The following NRG1 variants were observed in gnomAD, a reference collection of about 807,000 sequenced individuals.
The protein encoded by NRG1 is neuregulin 1, also known as pro-neuregulin-1, membrane-bound isoform.
A neutral mutation model predicts 63.8 loss-of-function variants in NRG1; 18 were observed. That is an observed-to-expected ratio of 0.28 (90% CI 0.19 to 0.42). The LOEUF is 0.42. NRG1 is among the 10% of genes least tolerant of loss of function. The pLI is 1.00. For synonymous variants in NRG1, 302 were observed against 301.3 expected, an observed-to-expected ratio of 1.00 and a Z score of -0.02; for missense variants, 762 against 814.7, an observed-to-expected ratio of 0.94 and a Z score of 0.79.
At chr8:32,215,311 C>G (rs1217152546) in intron 1 of NRG1, among the ~76,000 whole-genome samples, 1 of 152,118 alleles carries the variant, frequency 6.6e-6, no homozygotes, top group Non-Finnish European at 1.5e-5. Context: ...TGCTATAGCT[C>G]CTCTTGCTTA....
chr8:31,954,543 T>G (rs1804047206), intron 1 of NRG1, among the ~76,000 whole-genome samples: 1 of 152,240 alleles, frequency 6.6e-6, no homozygotes, highest in South Asian at 2.1e-4. Flanking sequence ...GCTAATTGTC[T>G]GTATAGCATG....
At chr8:32,087,054 C>A (rs2131220606) in intron 1 of NRG1, among the ~76,000 whole-genome samples, 1 of 152,292 alleles carries the variant, frequency 6.6e-6, no homozygotes, top group Non-Finnish European at 1.5e-5. Flanking sequence ...TTCCCAGCCC[C>A]AGGCAACCAC....
chr8:32,120,172 A>G (rs1156745490), intron 1 of NRG1, among the ~76,000 whole-genome samples: 1 of 152,148 alleles, frequency 6.6e-6, no homozygotes, highest in African/African-American at 2.4e-5. Context: ...CCCACTGTTT[A>G]AAACACACAT....
At chr8:31,830,777 A>G (rs1825070631) in intron 1 of NRG1, among the ~76,000 whole-genome samples, 1 of 152,074 alleles carries the variant, frequency 6.6e-6, no homozygotes, top group Non-Finnish European at 1.5e-5. Context: ...GGAAAAAAAA[A>G]AGAAAGAAAA....
chr8:32,633,006 A>G (rs770895769), intron 5 of NRG1, among the ~76,000 whole-genome samples: 3 of 152,196 alleles, frequency 2.0e-5, no homozygotes, highest in Non-Finnish European at 2.9e-5. Flanking sequence ...TAAATCAGAT[A>G]TATATCTATA....
At chr8:32,530,747 G>A (rs550027235) in intron 1 of NRG1, among the ~76,000 whole-genome samples, 1 of 152,208 alleles carries the variant, frequency 6.6e-6, no homozygotes, top group African/African-American at 2.4e-5. Flanking sequence ...TATATTCCAA[G>A]GACAAACTAC....
intron 1 of NRG1, among the ~76,000 whole-genome samples, chr8:32,129,192 T>C (rs1390068714): frequency 6.6e-6 from 1 of 152,030 alleles, no homozygotes; most frequent in African/African-American, 2.4e-5. Context: ...GAAATATTTG[T>C]TGAATGACCA....
At chr8:32,355,317 G>A (rs773275156) in intron 1 of NRG1, among the ~76,000 whole-genome samples, 2 of 151,976 alleles carry the variant, frequency 1.3e-5, no homozygotes, top group Non-Finnish European at 2.9e-5. Context: ...AAATTAGCCG[G>A]GCGTGGTGGT....
At chr8:32,763,822 C>G in exon 12 of NRG1, 1 of 1,610,302 alleles carries the variant, frequency 6.2e-7, no homozygotes, top group Non-Finnish European at 8.5e-7. Context: ...CCCAAATCGC[C>G]CCCTTCGGAA....
intron 1 of NRG1, among the ~76,000 whole-genome samples, chr8:32,563,519 G>A (rs1836859253): frequency 6.6e-6 from 1 of 152,164 alleles, no homozygotes; most frequent in African/African-American, 2.4e-5. Context: ...TAGAAACTGG[G>A]TACTGGTTAT....
In NRG1 at chr8:32,156,803, G is replaced by A. The variant is rs138274005; in HGVS notation, c.38-439025G>A. On this transcript the variant is annotated intron_variant, in intron 1 of 10. Coordinates refer to the NRG1 transcript ENST00000519301. ...ATTTAAAAATTACACAGGCATGGTG[G>A]CATGGGCCTGTATTCTCCGCTACTC... Among the ~76,000 whole-genome samples the A allele has an allele frequency of 3.1e-3, 469 of 152,220 alleles. 1 individual carries two copies. Among genetic ancestry groups the A allele is most frequent in the South Asian group, 0.024 (114 of 4,814 alleles).
intron 1 of NRG1, among the ~76,000 whole-genome samples, chr8:32,399,830 T>C (rs1812938370): frequency 2.0e-5 from 3 of 152,226 alleles, no homozygotes; most frequent in Non-Finnish European, 4.4e-5. Flanking sequence ...TTCTTTTTTA[T>C]GATTTCCAGA....
intron 1 of NRG1, among the ~76,000 whole-genome samples, chr8:31,941,472 C>G (rs1056887340): frequency 6.6e-6 from 1 of 152,108 alleles, no homozygotes; most frequent in Non-Finnish European, 1.5e-5. Flanking sequence ...AAAGCATTCC[C>G]ACTAAGAACT....
intron 1 of NRG1, among the ~76,000 whole-genome samples, chr8:32,188,252 A>G (rs567630087): frequency 2.4e-4 from 37 of 152,260 alleles, no homozygotes; most frequent in African/African-American, 7.5e-4. Context: ...TTATTAGTAG[A>G]GACAGGGTTT....
intron 1 of NRG1, among the ~76,000 whole-genome samples, chr8:31,924,555 G>A (rs1834178095): frequency 6.7e-6 from 1 of 150,032 alleles, no homozygotes; most frequent in African/African-American, 2.4e-5. Context: ...TTTCCCAAGG[G>A]CAAATTGCTG....
chr8:32,617,312 G>A (rs1588720358), intron 5 of NRG1, among the ~76,000 whole-genome samples: 1 of 152,216 alleles, frequency 6.6e-6, no homozygotes, highest in Non-Finnish European at 1.5e-5. Flanking sequence ...TATAAAGTTA[G>A]CTGTGATGGA....
chr8:32,146,282 G>A (rs1836863316), intron 1 of NRG1, among the ~76,000 whole-genome samples: 1 of 152,200 alleles, frequency 6.6e-6, no homozygotes, highest in Non-Finnish European at 1.5e-5. Context: ...GTGGTAAAAT[G>A]TTTAATTGGA....
intron 1 of NRG1, among the ~76,000 whole-genome samples, chr8:32,487,101 T>C (rs1264625169): frequency 1.3e-5 from 2 of 151,112 alleles, no homozygotes; most frequent in South Asian, 2.1e-4. Context: ...ATGAACCTAA[T>C]TGGCAAAGCA....
intron 1 of NRG1, among the ~76,000 whole-genome samples, chr8:31,906,379 G>C (rs114684473): frequency 0.017 from 2,543 of 152,210 alleles, 66 homozygotes; most frequent in African/African-American, 0.057. Flanking sequence ...ATCAACACAG[G>C]TACGATGTAG....
Sources: gnomAD v4.1 joint callset for allele counts (sites outside exome capture counted in the v4.1 genomes callset) on GRCh38, gnomAD v4.1.1 for gene constraint, MANE v1.5 for transcripts, NCBI Gene and HGNC (gene_info 2026-07-23, HGNC 2026-07-21) for gene names.